Variants in RBFOX3 observed in about 807,000 individuals in gnomAD.
The protein encoded by RBFOX3 is RNA binding fox-1 homolog 3.
In RBFOX3, 17 loss-of-function variants were observed where a neutral mutation model predicts 48.7. The ratio of observed to expected loss-of-function variants is 0.35; its 90% CI spans 0.24 to 0.52. RBFOX3 has a LOEUF of 0.52. Ranked by LOEUF, RBFOX3 falls within the 20% of genes least tolerant of loss-of-function variation. The pLI, the probability that RBFOX3 is intolerant of heterozygous loss-of-function variation, is 0.94. For missense variants in RBFOX3, 382 were observed against 497.5 expected (o/e 0.77, Z 2.21); for synonymous variants, 212 against 209.5 (o/e 1.01, Z -0.10).
chr17:79,186,486 C>T (rs951861900), intron 4 of RBFOX3, among the ~76,000 whole-genome samples: 4 of 152,134 alleles, frequency 2.6e-5, no homozygotes, highest in African/African-American at 7.2e-5. Flanking sequence ...CAGGGCGGTA[C>T]GAAGCTTTTC....
At chr17:79,094,209 G>C (rs917570974) in intron 14 of RBFOX3, 7 of 431,592 alleles carry the variant, frequency 1.6e-5, no homozygotes, top group Middle Eastern at 5.8e-4. Flanking sequence ...ACATTGGGGT[G>C]CTTTCCAGAG....
intron 3 of RBFOX3, among the ~76,000 whole-genome samples, chr17:79,267,961 C>G (rs567502935): frequency 1.3e-5 from 2 of 152,174 alleles, no homozygotes; most frequent in Admixed American, 6.5e-5. Context: ...TTCTAAAATG[C>G]CTTCCACTTT....
intron 3 of RBFOX3, among the ~76,000 whole-genome samples, chr17:79,271,176 A>G (rs1453040878): frequency 2.6e-5 from 4 of 151,904 alleles, no homozygotes; most frequent in African/African-American, 7.3e-5. Flanking sequence ...CCCGGGTTCA[A>G]GCGATTCTCC....
chr17:79,638,571 G>A, the RBFOX3 span, among the ~76,000 whole-genome samples: 100 of 152,298 alleles, frequency 6.6e-4, no homozygotes, highest in African/African-American at 2.3e-3. Context: ...CCTATAGTTT[G>A]GATGTTTGTC....
intron 4 of RBFOX3, among the ~76,000 whole-genome samples, chr17:79,166,081 A>G (rs959546708): frequency 1.3e-5 from 2 of 152,236 alleles, no homozygotes; most frequent in African/African-American, 4.8e-5. Flanking sequence ...GGCGTGCGGC[A>G]GAGTTGTGAT....
intron 1 of RBFOX3, among the ~76,000 whole-genome samples, chr17:79,580,952 T>C (rs946702894): frequency 1.3e-5 from 2 of 152,036 alleles, no homozygotes; most frequent in Non-Finnish European, 2.9e-5. Flanking sequence ...ATGCAGATCA[T>C]AAAACACCAG....
At chr17:79,300,812 G>C (rs1328228229) in intron 3 of RBFOX3, among the ~76,000 whole-genome samples, 1 of 152,184 alleles carries the variant, frequency 6.6e-6, no homozygotes, top group African/African-American at 2.4e-5. Flanking sequence ...GGCACCTGGG[G>C]CTGCACTTGT....
At chr17:79,395,875 G>A (rs2061932198) in intron 2 of RBFOX3, among the ~76,000 whole-genome samples, 1 of 152,258 alleles carries the variant, frequency 6.6e-6, no homozygotes, top group African/African-American at 2.4e-5. Flanking sequence ...TGCAGAAGGG[G>A]TAGACCCTCA....
chr17:79,295,548 C>A (rs992500420), intron 3 of RBFOX3, among the ~76,000 whole-genome samples: 1 of 152,182 alleles, frequency 6.6e-6, no homozygotes, highest in East Asian at 1.9e-4. Context: ...TGAGCAATGC[C>A]TGACTCAGGG....
chr17:79,253,698 T>C (rs2064337211), intron 3 of RBFOX3, among the ~76,000 whole-genome samples: 1 of 152,182 alleles, frequency 6.6e-6, no homozygotes, highest in Admixed American at 6.5e-5. Flanking sequence ...CCAGTCTGTC[T>C]GCGGTTAGGG....
intron 1 of RBFOX3, among the ~76,000 whole-genome samples, chr17:79,514,610 C>A (rs1361139397): frequency 1.3e-5 from 2 of 152,198 alleles, no homozygotes; most frequent in African/African-American, 4.8e-5. Flanking sequence ...GGGCCACAGG[C>A]AAGTTTCCCT....
chr17:79,341,884 ACT>A (rs2082151903), intron 2 of RBFOX3, among the ~76,000 whole-genome samples: 2 of 152,204 alleles, frequency 1.3e-5, no homozygotes, highest in Non-Finnish European at 1.5e-5. Context: ...GATGGAAATA[ACT>A]CTATCCGTGA....
chr17:79,228,346 C>G (rs1219100726), intron 4 of RBFOX3, among the ~76,000 whole-genome samples: 1 of 152,128 alleles, frequency 6.6e-6, no homozygotes, highest in Non-Finnish European at 1.5e-5. Context: ...TCCCTGAAAA[C>G]CAGGGAGAAA....
At chr17:79,197,214 G>GGGCTGTCCACATGCAGCCCTCCC (rs1286174780) in intron 4 of RBFOX3, among the ~76,000 whole-genome samples, 3 of 151,248 alleles carry the variant, frequency 2.0e-5, no homozygotes, top group Non-Finnish European at 2.9e-5. Flanking sequence ...GCAGCCCTCC[G>GGGCTGTCCACATGCAGCCCTCCC]TCGGGGCTGT....
intron 1 of RBFOX3, among the ~76,000 whole-genome samples, chr17:79,556,142 A>T (rs1447895871): frequency 1.3e-5 from 2 of 152,156 alleles, no homozygotes; most frequent in Non-Finnish European, 2.9e-5. Flanking sequence ...TCAGGAGAGC[A>T]GTTTACCCAA....
intron 1 of RBFOX3, among the ~76,000 whole-genome samples, chr17:79,517,748 A>C (rs2085461274): frequency 2.0e-5 from 3 of 152,274 alleles, no homozygotes; most frequent in South Asian, 2.1e-4. Flanking sequence ...GTGTTGGGGG[A>C]AAGTTATCAT....
chr17:79,579,498 G>A (rs1222043918), intron 1 of RBFOX3, among the ~76,000 whole-genome samples: 3 of 152,214 alleles, frequency 2.0e-5, no homozygotes, highest in African/African-American at 7.2e-5. Context: ...CCTGCTCGGG[G>A]CAGGGCAGAG....
chr17:79,497,775 C>T (rs1567830), intron 1 of RBFOX3, among the ~76,000 whole-genome samples: 26 of 152,066 alleles, frequency 1.7e-4, no homozygotes, highest in African/African-American at 4.3e-4. Context: ...CAGATGGGCA[C>T]GGCCAAAGCT....
At chr17:79,167,208 A>T (rs1305064708) in intron 4 of RBFOX3, among the ~76,000 whole-genome samples, 1 of 152,196 alleles carries the variant, frequency 6.6e-6, no homozygotes, top group African/African-American at 2.4e-5. Flanking sequence ...TGCCAGGCAC[A>T]TGGCCAAGAA....
Sources: allele counts gnomAD v4.1 joint callset (sites outside exome capture counted in the v4.1 genomes callset), GRCh38; gene constraint gnomAD v4.1.1; transcripts MANE v1.5; gene names NCBI Gene and HGNC (gene_info 2026-07-23, HGNC 2026-07-21).